DLEC1: variants seen among roughly 807,000 people sequenced by gnomAD.
DLEC1 encodes the protein DLEC1 cilia and flagella associated protein, also known as deleted in lung and esophageal cancer protein 1.
A neutral mutation model predicts 198.1 loss-of-function variants in DLEC1; 146 were observed. The ratio of observed to expected loss-of-function variants is 0.74; its 90% CI spans 0.64 to 0.85. The LOEUF is 0.85. DLEC1 is among the 40% of genes least tolerant of loss of function. The probability of loss-of-function intolerance (pLI) is 0.00; values close to 1 mark genes in which losing one functional copy is unlikely to be tolerated. For synonymous variants in DLEC1, 897 were observed against 866.8 expected, an observed-to-expected ratio of 1.03 and a Z score of -0.61; for missense variants, 2,233 against 2,220.0, an observed-to-expected ratio of 1.01 and a Z score of -0.12.
At chr3:38,084,887 A>T (rs1031326625) in intron 7 of DLEC1, among the ~76,000 whole-genome samples, 2 of 152,072 alleles carry the variant, frequency 1.3e-5, no homozygotes, top group Admixed American at 6.5e-5. Context: ...CTTAAGCCTC[A>T]GCAGCAGCCC....
chr3:38,098,898 A>G (rs573216609), intron 18 of DLEC1, among the ~76,000 whole-genome samples: 4 of 152,292 alleles, frequency 2.6e-5, no homozygotes, highest in Non-Finnish European at 4.4e-5. Context: ...TACCTGTTAC[A>G]CAGGCTTGGA....
chr3:38,121,814 C>T, intron 35 of DLEC1, 33 bp downstream of exon 35: 1 of 1,607,632 alleles, frequency 6.2e-7, no homozygotes, highest in Non-Finnish European at 8.5e-7. Flanking sequence ...CCCACCGTTC[C>T]CCTACAGGGC....
Position 38,084,330 on chromosome 3 carries a change from A to T in DLEC1, c.1261+85A>T, listed in dbSNP as rs200088192. On this transcript the variant is annotated intron_variant, in intron 7 of 36. Coordinates refer to ENST00000308059, the MANE Select transcript of DLEC1 (RefSeq NM_007335.4). ...AGTAATAGTAGTAGTGGTGGTAGTA[A>T]TGGTAGCAATGATAGTAGTAGTGGT... The T allele has an allele frequency of 9.3e-5, 91 of 983,338 alleles. 1 individual carries two copies. The highest frequency in any genetic ancestry group is 1.3e-4 in the Non-Finnish European group (89 of 708,486). The allele number at this position is 983,338 out of a possible 1,614,324, so 60.9% of individuals were successfully genotyped here.
At chr3:38,061,297 G>C (rs1696671137) in intron 3 of DLEC1, among the ~76,000 whole-genome samples, 1 of 152,154 alleles carries the variant, frequency 6.6e-6, no homozygotes, top group Admixed American at 6.5e-5. Context: ...TTCAGCCTCA[G>C]CCTCCTGAGT....
intron 33 of DLEC1, among the ~76,000 whole-genome samples, chr3:38,118,706 C>T (rs886280283): frequency 6.6e-6 from 1 of 152,038 alleles, no homozygotes; most frequent in Admixed American, 6.5e-5. Flanking sequence ...TCCTACTTCC[C>T]CTCCTGCTTC....
chr3:38,110,000 G>A (rs1280021429), intron 22 of DLEC1, 99 bp from the exon 23 acceptor site: 21 of 1,369,178 alleles, frequency 1.5e-5, no homozygotes, highest in Non-Finnish European at 1.6e-5. Context: ...GAAGCCTGGT[G>A]TCTGGGCAGC....
chr3:38,098,051 C>G (rs1244028785), intron 18 of DLEC1, 149 bp downstream of exon 18: 1 of 943,562 alleles, frequency 1.1e-6, no homozygotes, highest in Non-Finnish European at 1.6e-6. Context: ...GCGGTGCCTC[C>G]TGTTCTCCCC....
chr3:38,116,362 C>A, intron 27 of DLEC1, 91 bp from the exon 28 acceptor site: 1 of 1,260,056 alleles, frequency 7.9e-7, no homozygotes, highest in Non-Finnish European at 1.1e-6. Flanking sequence ...GAGAATAGGT[C>A]ATCTCTGTCT....
At position 38,115,042 on chromosome 3, in the gene DLEC1, C is replaced by G; in HGVS notation, c.3845C>G (p.Ser1282Cys). 1.2e-6 allele frequency: 2 copies of G among 1,613,956 alleles called. No homozygotes were observed. Among genetic ancestry groups the G allele is most frequent in the Non-Finnish European group, 8.5e-7 (1 of 1,179,926 alleles). ...TVTRTLRLNN[S>C]SPCDIRLDWE... ...ACCCGAACCCTTCGCCTGAATAACT[C>G]CAGCCCCTGTGGTAAGACATGCATG... is the stretch of plus-strand genomic sequence containing the variant. Residue 1282 changes from serine (S) to cysteine (C), a missense_variant, in exon 27 of 37, where the codon TCC becomes TGC. Ser to Cys is a moderately radical substitution (Grantham distance 112, BLOSUM62 -1). Coordinates refer to ENST00000308059, the MANE Select transcript of DLEC1 (RefSeq NM_007335.4).
chr3:38,078,349 G>A (rs1697753617), intron 6 of DLEC1, among the ~76,000 whole-genome samples: 1 of 152,234 alleles, frequency 6.6e-6, no homozygotes, highest in Admixed American at 6.5e-5. Context: ...TATTAAAGCA[G>A]CAGCAGCCGC....
intron 1 of DLEC1, among the ~76,000 whole-genome samples, 184 bp from the exon 2 acceptor site, chr3:38,045,359 T>C (rs543923488): frequency 6.6e-6 from 1 of 152,312 alleles, no homozygotes; most frequent in East Asian, 1.9e-4. Flanking sequence ...ATGGAAACCT[T>C]TAAACCATTC....
chr3:38,044,044 G>C (rs1387263279), intron 1 of DLEC1, among the ~76,000 whole-genome samples: 1 of 151,974 alleles, frequency 6.6e-6, no homozygotes, highest in Non-Finnish European at 1.5e-5. Flanking sequence ...TGAGATGAGA[G>C]GATTACTTGA....
intron 10 of DLEC1, among the ~76,000 whole-genome samples, chr3:38,090,244 A>G (rs925366906): frequency 4.6e-5 from 7 of 152,326 alleles, no homozygotes; most frequent in Middle Eastern, 3.4e-3. Flanking sequence ...AAACAGGTAA[A>G]CAGTGAAATG....
intron 2 of DLEC1, 140 bp from the exon 3 acceptor site, chr3:38,059,602 A>T: frequency 1.5e-6 from 1 of 687,482 alleles, no homozygotes; most frequent in Non-Finnish European, 2.5e-6. Flanking sequence ...TGAGTTTCTT[A>T]AATCTCAACA....
chr3:38,098,928 A>T (rs1457687409), intron 18 of DLEC1, among the ~76,000 whole-genome samples: 2 of 152,128 alleles, frequency 1.3e-5, no homozygotes, highest in East Asian at 1.9e-4. Context: ...TTTCCCTCCC[A>T]GGGCTCATCC....
rs532862444 is a variant in DLEC1, at chr3:38,055,044, T to C, written c.563-4698T>C. ...GAACGTCTGGAAATGACAAGTACAATAGATGAAACTGTGGGTTTAACAACA... is the reference window on the plus strand; with the variant it reads ...GAACGTCTGGAAATGACAAGTACAACAGATGAAACTGTGGGTTTAACAACA... On this transcript the variant is annotated intron_variant, in intron 2 of 36. Transcript: ENST00000308059. Among the ~76,000 whole-genome samples the C allele has an allele frequency of 3.9e-5, 6 of 152,286 alleles. 1 individual carries two copies. The South Asian group carries it at 1.2e-3, about 32-fold the overall frequency.
intron 2 of DLEC1, among the ~76,000 whole-genome samples, chr3:38,054,576 G>A (rs1696255816): frequency 6.6e-6 from 1 of 152,228 alleles, no homozygotes; most frequent in Non-Finnish European, 1.5e-5. Context: ...GCTGAGGTTG[G>A]AGAACTCACT....
At chr3:38,107,771 C>T (rs1479799094) in intron 20 of DLEC1, 34 bp downstream of exon 20, 10 of 1,603,984 alleles carry the variant, frequency 6.2e-6, no homozygotes, top group Non-Finnish European at 8.5e-6. Flanking sequence ...CAGCAGTCTG[C>T]AGCCCTCAGC....
chr3:38,098,843 A>G (rs1223279947), intron 18 of DLEC1, among the ~76,000 whole-genome samples: 3 of 152,102 alleles, frequency 2.0e-5, no homozygotes, highest in Admixed American at 2.0e-4. Context: ...TCTGAAACCT[A>G]GAAGTTATGA....
Sources: allele counts gnomAD v4.1 joint callset (sites outside exome capture counted in the v4.1 genomes callset), GRCh38; gene constraint gnomAD v4.1.1; transcripts MANE v1.5; gene names NCBI Gene and HGNC (gene_info 2026-07-23, HGNC 2026-07-21).